DSCAML1: variants seen among roughly 807,000 people sequenced by gnomAD.
The protein encoded by DSCAML1 is DS cell adhesion molecule like 1.
In DSCAML1, 38 loss-of-function variants were observed where a neutral mutation model predicts 200.5. The ratio of observed to expected loss-of-function variants is 0.19; its 90% CI spans 0.15 to 0.25. DSCAML1 has a LOEUF of 0.25. Ranked by LOEUF, DSCAML1 falls within the 10% of genes least tolerant of loss-of-function variation. The probability of loss-of-function intolerance (pLI) is 1.00; values close to 1 mark genes in which losing one functional copy is unlikely to be tolerated. For synonymous variants in DSCAML1, 1,215 were observed against 1,165.0 expected (o/e 1.04, Z -0.87); for missense variants, 2,223 against 2,858.8 (o/e 0.78, Z 5.07).
At chr11:117,762,868 GTAATAATAATAATAATAA>G (rs58166401) in intron 3 of DSCAML1, among the ~76,000 whole-genome samples, 1 of 146,656 alleles carries the variant, frequency 6.8e-6, no homozygotes, top group Non-Finnish European at 1.5e-5. Flanking sequence ...GTCTCAAATA[GTAATAATAATAATAATAA>G]TAATAATAAT....
intron 3 of DSCAML1, among the ~76,000 whole-genome samples, chr11:117,660,149 T>G (rs1329949687): frequency 6.6e-6 from 1 of 152,108 alleles, no homozygotes; most frequent in Non-Finnish European, 1.5e-5. Flanking sequence ...ACAGCCCCAA[T>G]ACATAAGCAG....
rs140211012 is a variant in DSCAML1 at position 117,758,701 on chromosome 11, C to T, written c.511+18090G>A. On this transcript the variant is annotated intron_variant, in intron 3 of 32. Coordinates refer to ENST00000651296, the MANE Select transcript of DSCAML1 (RefSeq NM_020693.4). ...ACAGGTGTGAGCCAAAGCGCCCGGC[C>T]GGCAGAACTCTTTATTGCCATCTTT... is the stretch of plus-strand genomic sequence containing the variant. 3.7e-3 allele frequency among the ~76,000 whole-genome samples: 569 copies of T among 152,206 alleles called. 2 individuals are homozygous for T. The highest frequency in any genetic ancestry group is 0.013 in the African/African-American group (523 of 41,522).
At chr11:117,566,553 GTTTT>G (rs71469137) in intron 3 of DSCAML1, among the ~76,000 whole-genome samples, 1 of 64,810 alleles carries the variant, frequency 1.5e-5, no homozygotes, top group Non-Finnish European at 3.6e-5. Flanking sequence ...TTTTGCCTTG[GTTTT>G]TTTTTTGTTT....
intron 3 of DSCAML1, among the ~76,000 whole-genome samples, chr11:117,756,210 G>T (rs956886184): frequency 3.9e-5 from 6 of 152,336 alleles, no homozygotes; most frequent in African/African-American, 1.4e-4. Flanking sequence ...AGGAAGGAAG[G>T]TCACTCAACA....
chr11:117,493,877 C>A (rs1420423968), intron 11 of DSCAML1, among the ~76,000 whole-genome samples: 1 of 152,200 alleles, frequency 6.6e-6, no homozygotes, highest in Non-Finnish European at 1.5e-5. Flanking sequence ...ATTCGCCCCC[C>A]TCTCCCTCCC....
At chr11:117,738,912 T>C (rs147367536) in intron 3 of DSCAML1, among the ~76,000 whole-genome samples, 2 of 152,314 alleles carry the variant, frequency 1.3e-5, no homozygotes, top group East Asian at 3.9e-4. Flanking sequence ...GATGAAGAGA[T>C]GTATTGTCAC....
chr11:117,654,448 A>G (rs2052694421), intron 3 of DSCAML1, among the ~76,000 whole-genome samples: 1 of 152,216 alleles, frequency 6.6e-6, no homozygotes, highest in Admixed American at 6.5e-5. Flanking sequence ...TGGGCACACT[A>G]TCGGTCTGCT....
intron 3 of DSCAML1, among the ~76,000 whole-genome samples, chr11:117,716,526 A>G (rs1445307643): frequency 6.6e-6 from 1 of 152,168 alleles, no homozygotes; most frequent in African/African-American, 2.4e-5. Context: ...AGCTCACCCC[A>G]TCAGAACAGG....
intron 3 of DSCAML1, among the ~76,000 whole-genome samples, chr11:117,691,832 C>G (rs1237576164): frequency 6.6e-6 from 1 of 152,134 alleles, no homozygotes; most frequent in African/African-American, 2.4e-5. Context: ...TTCATTTCCA[C>G]AAGCTCTGGC....
At chr11:117,715,176 T>C (rs116640277) in intron 3 of DSCAML1, among the ~76,000 whole-genome samples, 1 of 152,140 alleles carries the variant, frequency 6.6e-6, no homozygotes, top group African/African-American at 2.4e-5. Flanking sequence ...TCTTCAGGGC[T>C]TTTTGGTTTC....
intron 3 of DSCAML1, among the ~76,000 whole-genome samples, chr11:117,596,065 A>T (rs1237464245): frequency 6.6e-6 from 1 of 152,234 alleles, no homozygotes; most frequent in Non-Finnish European, 1.5e-5. Flanking sequence ...ATGCAAGCCC[A>T]TCGCTCCTGC....
chr11:117,465,161 T>A lies in DSCAML1; in HGVS notation c.3046A>T (p.Asn1016Tyr). Reference protein sequence around the residue: ...TWKAPKKELQNGVIRGYQIGY... With the variant: ...TWKAPKKELQYGVIRGYQIGY... Reference sequence around the variant, plus strand: ...ATCTGGTAGCCCCGGATGACACCGTTCTGCAGCTCCTTCTTGGGTGCCTGT... The same window carrying A: ...ATCTGGTAGCCCCGGATGACACCGTACTGCAGCTCCTTCTTGGGTGCCTGT... Residue 1016 changes from asparagine (N) to tyrosine (Y), a missense_variant, in exon 17 of 33, where the codon AAC becomes TAC. Coordinates refer to ENST00000651296, the MANE Select transcript of DSCAML1 (RefSeq NM_020693.4). 2 of 1,613,898 alleles carry A rather than the reference T, an allele frequency of 1.2e-6. No individual in the cohort carries two copies. The highest frequency in any genetic ancestry group is 1.7e-6 in the Non-Finnish European group (2 of 1,179,888).
At chr11:117,512,672 AC>A (rs2049655191) in intron 8 of DSCAML1, among the ~76,000 whole-genome samples, 1 of 77,294 alleles carries the variant, frequency 1.3e-5, no homozygotes, top group Non-Finnish European at 3.2e-5. Flanking sequence ...ACACACACAC[AC>A]ACACACACAC....
At chr11:117,517,672 C>T (rs948647502) in intron 7 of DSCAML1, among the ~76,000 whole-genome samples, 3 of 152,240 alleles carry the variant, frequency 2.0e-5, no homozygotes, top group Admixed American at 6.5e-5. Flanking sequence ...ACCAGGGGTG[C>T]CCCTGGATCA....
intron 3 of DSCAML1, among the ~76,000 whole-genome samples, chr11:117,649,073 G>C (rs1249263789): frequency 1.3e-5 from 2 of 151,600 alleles, no homozygotes; most frequent in African/African-American, 4.9e-5. Context: ...GTGTGTGTGT[G>C]TGTGTGTGTG....
intron 3 of DSCAML1, among the ~76,000 whole-genome samples, chr11:117,683,149 C>A (rs1245730010): frequency 6.6e-6 from 1 of 152,318 alleles, no homozygotes; most frequent in African/African-American, 2.4e-5. Context: ...TTGTATCTTA[C>A]CCTGCTCCAA....
At chr11:117,761,553 T>G (rs2054802569) in intron 3 of DSCAML1, among the ~76,000 whole-genome samples, 1 of 152,224 alleles carries the variant, frequency 6.6e-6, no homozygotes, top group African/African-American at 2.4e-5. Flanking sequence ...CACCTCTCTG[T>G]GCTTCATTTT....
chr11:117,774,140 T>C (rs1565276744), intron 3 of DSCAML1, among the ~76,000 whole-genome samples: 1 of 152,232 alleles, frequency 6.6e-6, no homozygotes, highest in Non-Finnish European at 1.5e-5. Context: ...GCCTGCTGTC[T>C]TATTCCATGT....
At position 117,463,350 on chromosome 11, in the gene DSCAML1, A is replaced by C. The variant is rs1036466227; in HGVS notation, c.3265+1592T>G. On this transcript the variant is annotated intron_variant, in intron 17 of 32. Coordinates refer to ENST00000651296, the MANE Select transcript of DSCAML1 (RefSeq NM_020693.4). The surrounding 1 kb of genome is among the most constrained non-coding windows in gnomAD (Gnocchi z 4.0). ...AAGCAGCATTACCTGGGAACTTATT[A>C]GAAATAATACATCCTTTTTTTTTTT... 5.3e-5 allele frequency among the ~76,000 whole-genome samples: 8 copies of C among 151,656 alleles called. No individual in the cohort carries two copies. The highest frequency in any genetic ancestry group is 1.2e-4 in the Non-Finnish European group (8 of 67,974).
Sources: gnomAD v4.1 joint callset for allele counts (sites outside exome capture counted in the v4.1 genomes callset) on GRCh38, gnomAD v4.1.1 for gene constraint, Gnocchi (gnomAD v3.1) non-coding constraint, MANE v1.5 for transcripts, NCBI Gene and HGNC (gene_info 2026-07-23, HGNC 2026-07-21) for gene names.